SEC31A: variants seen among roughly 807,000 people sequenced by gnomAD.
The protein encoded by SEC31A is SEC31 homolog A, COPII component, also known as protein transport protein Sec31A.
In SEC31A, 70 loss-of-function variants were observed where a neutral mutation model predicts 151.0. The ratio of observed to expected loss-of-function variants is 0.46; its 90% confidence interval spans 0.38 to 0.57. SEC31A has a LOEUF of 0.57. SEC31A is among the 20% of genes least tolerant of loss of function. The probability of loss-of-function intolerance (pLI) is 0.00; values close to 1 mark genes in which losing one functional copy is unlikely to be tolerated. For missense variants in SEC31A, 1,330 were observed against 1,471.2 expected (o/e 0.90, Z 1.57); for synonymous variants, 475 against 505.9 (o/e 0.94, Z 0.82).
chr4:82,890,930 G>A lies in SEC31A; in HGVS notation c.-5+158C>T, dbSNP rs933828364. 7.1e-6 allele frequency: 10 copies of A among 1,414,914 alleles called. No homozygotes were observed. In the Admixed American group the frequency reaches 2.6e-4, roughly 36 times the overall value. The allele number at this position is 1,414,914 out of a possible 1,614,324, so 87.6% of individuals were successfully genotyped here. On this transcript the variant is annotated intron_variant, in intron 1 of 26. Transcript: ENST00000395310. ...CCAGATGCCAGGCGTTGTTCCGCCG[G>A]GCCCGAAACCAAGACTAGGGGCGCG...
chr4:82,842,090 C>T, intron 22 of SEC31A, 50 bp downstream of exon 22: 1 of 1,417,828 alleles, frequency 7.1e-7, no homozygotes, highest in Middle Eastern at 2.3e-4. Context: ...CCCATCTGTT[C>T]ATAAACAAAT....
upstream of SEC31A, chr4:82,894,284 G>C (rs1439143615): frequency 1.3e-5 from 2 of 151,894 alleles, no homozygotes; most frequent in South Asian, 4.1e-4. Flanking sequence ...TTTGTGTTTT[G>C]TCTTCAGGAT....
upstream of SEC31A, chr4:82,893,892 A>G (rs1296253059): frequency 6.6e-6 from 1 of 152,224 alleles, no homozygotes; most frequent in Non-Finnish European, 1.5e-5. Context: ...TTCTTTATAC[A>G]TTAACTTGAG....
intron 20 of SEC31A, among the ~76,000 whole-genome samples, chr4:82,846,817 C>G (rs548828417): frequency 6.6e-6 from 1 of 152,178 alleles, no homozygotes; most frequent in South Asian, 2.1e-4. Flanking sequence ...CGGGTTCAAG[C>G]GATTCTCCTG....
intron 11 of SEC31A, among the ~76,000 whole-genome samples, chr4:82,863,820 T>C (rs928013466): frequency 1.3e-5 from 2 of 152,154 alleles, no homozygotes; most frequent in African/African-American, 4.8e-5. Flanking sequence ...TTTTATACTT[T>C]AACCTAACTG....
Position 82,858,772 on chromosome 4 carries a change from G to A in SEC31A, c.1627-1008C>T, listed in dbSNP as rs1009492468. On this transcript the variant is annotated intron_variant, in intron 14 of 26. Coordinates refer to ENST00000395310, the MANE Select transcript of SEC31A (RefSeq NM_001077207.4). ...GGCTGGAGTGCAGTGGCGCACTCTC[G>A]GCTCACTGCAAACTCTGCCTCCTGG... Among the ~76,000 whole-genome samples, 5 of 150,626 alleles carry A rather than the reference G, an allele frequency of 3.3e-5. No individual in the cohort carries two copies. In the South Asian group the frequency reaches 6.4e-4, roughly 19 times the overall value.
rs1337935023 is a variant in SEC31A, at chr4:82,874,730, T to C, written c.520A>G (p.Ile174Val). 3.7e-6 allele frequency: 6 copies of C among 1,609,124 alleles called. No individual in the cohort carries two copies. The highest frequency in any genetic ancestry group is 1.6e-4 in the Middle Eastern group (1 of 6,076). The stretch of plus-strand genomic sequence containing the variant: ...TGCTGAACTTGTCTGTTCCATGCAA[T>C]GCAGCTGATATCTTCTGGCGGCTAC... ...KTQPPEDISC[I>V]AWNRQVQHIL... Residue 174 changes from isoleucine (I) to valine (V), a missense_variant, in exon 6 of 27, where the codon ATT becomes GTT. Ile to Val is a conservative substitution (Grantham distance 29). Coordinates refer to ENST00000395310, the MANE Select transcript of SEC31A (RefSeq NM_001077207.4).
At chr4:82,857,986 T>C (rs754500697) in intron 14 of SEC31A, 194 of 382,526 alleles carry the variant, frequency 5.1e-4, no homozygotes, top group Admixed American at 1.0e-3. Flanking sequence ...TGAAGAATAC[T>C]GGTTAAACAG....
chr4:82,888,011 A>C (rs1386643654), intron 1 of SEC31A, among the ~76,000 whole-genome samples: 1 of 150,430 alleles, frequency 6.6e-6, no homozygotes, highest in Non-Finnish European at 1.5e-5. Context: ...ATGCGACTGC[A>C]CTCCAGCCTG....
chr4:82,865,749 A>G (rs1401476789), intron 10 of SEC31A, among the ~76,000 whole-genome samples: 2 of 152,044 alleles, frequency 1.3e-5, no homozygotes, highest in African/African-American at 2.4e-5. Flanking sequence ...TCCTAGCAAC[A>G]AAGTAGAATG....
chr4:82,876,543 TG>T (rs1486051969), intron 4 of SEC31A, among the ~76,000 whole-genome samples: 1 of 152,222 alleles, frequency 6.6e-6, no homozygotes, highest in Non-Finnish European at 1.5e-5. Flanking sequence ...ATCCTAAAAC[TG>T]TGGCATCTTT....
intron 20 of SEC31A, chr4:82,845,177 A>T (rs1232333106): frequency 6.9e-7 from 1 of 1,451,294 alleles, no homozygotes; most frequent in East Asian, 2.5e-5. Flanking sequence ...AATTCTGCTC[A>T]AAGAGGAATA....
chr4:82,877,604 T>C (rs1187615421), intron 4 of SEC31A: 5 of 152,234 alleles, frequency 3.3e-5, no homozygotes, highest in East Asian at 1.9e-4. Context: ...AAGATCGTTA[T>C]TAAGCTGTGC....
intron 1 of SEC31A, among the ~76,000 whole-genome samples, chr4:82,890,220 AAAAAAG>A (rs1201156811): frequency 6.6e-6 from 1 of 151,720 alleles, no homozygotes; most frequent in African/African-American, 2.4e-5. Context: ...AAAAAAAAAA[AAAAAAG>A]GAGAGTAAGC....
Position 82,842,352 on chromosome 4 carries a change from T to C in SEC31A, c.2756A>G (p.Tyr919Cys), listed in dbSNP as rs1729113050. Residue 919 changes from tyrosine (Y) to cysteine (C), a missense_variant, in exon 22 of 27, where the codon TAT (tyrosine) becomes TGT (cysteine). By Grantham distance (194) the Tyr-to-Cys change is radical. Transcript: ENST00000395310. ...NTPYISSASS[Y>C]TGQSQLYAAQ... ...TGCGTACAGCTGAGACTGCCCAGTA[T>C]AGGAAGAAGCAGAAGATATGTAAGG... is the stretch of plus-strand genomic sequence containing the variant. The C allele has an allele frequency of 6.2e-7, 1 of 1,613,646 alleles. No individual in the cohort carries two copies. Among genetic ancestry groups the C allele is most frequent in the East Asian group, 2.2e-5 (1 of 44,848 alleles).
intron 20 of SEC31A, among the ~76,000 whole-genome samples, chr4:82,845,824 G>A (rs75337351): frequency 0.04 from 6,138 of 152,088 alleles, 386 homozygotes; most frequent in African/African-American, 0.14. Context: ...TATTAAAGCT[G>A]AATATTAAAG....
Position 82,866,800 on chromosome 4 carries a change from C to G in SEC31A, c.1197+8G>C. 2 of 1,596,512 alleles carry G rather than the reference C, an allele frequency of 1.3e-6. No individual in the cohort carries two copies. Among genetic ancestry groups the G allele is most frequent in the Non-Finnish European group, 1.7e-6 (2 of 1,175,072 alleles). The stretch of plus-strand genomic sequence containing the variant: ...TGCCTATGGACCATAAAAACAAAAT[C>G]CACCTACTGAAAAAGAAGCACCAAC... On this transcript the variant is annotated splice_region_variant and intron_variant, in intron 10 of 26. Transcript: ENST00000395310.
At chr4:82,864,045 T>C (rs1482152541) in intron 11 of SEC31A, among the ~76,000 whole-genome samples, 1 of 152,198 alleles carries the variant, frequency 6.6e-6, no homozygotes, top group Non-Finnish European at 1.5e-5. Context: ...AAATATTCTG[T>C]TTTCATTATA....
intron 24 of SEC31A, 69 bp downstream of exon 24, chr4:82,827,296 AAGTT>A (rs1193414563): frequency 4.1e-6 from 6 of 1,473,692 alleles, no homozygotes; most frequent in Admixed American, 2.1e-5. Flanking sequence ...GCAATCATAA[AAGTT>A]AGCACATTAA....
Sources: gnomAD v4.1 joint callset for allele counts (sites outside exome capture counted in the v4.1 genomes callset) on GRCh38, gnomAD v4.1.1 for gene constraint, MANE v1.5 for transcripts, NCBI Gene and HGNC (gene_info 2026-07-23, HGNC 2026-07-21) for gene names.